PCCA: variants seen among roughly 807,000 people sequenced by gnomAD.
PCCA encodes the protein propionyl-CoA carboxylase subunit alpha, also known as propionyl-CoA carboxylase alpha chain, mitochondrial.
PCCA carries 74 observed loss-of-function variants against 101.3 expected under a neutral mutation model. The observed-to-expected ratio is 0.73, with a 90% CI of 0.61 to 0.89. The LOEUF is 0.89. Among genes scored for constraint, PCCA ranks in the 40% least tolerant of loss-of-function variants. The probability of loss-of-function intolerance (pLI) is 0.00; values close to 1 mark genes in which losing one functional copy is unlikely to be tolerated. For synonymous variants in PCCA, 294 were observed against 313.6 expected, an observed-to-expected ratio of 0.94 and a Z score of 0.66; for missense variants, 891 against 907.0, an observed-to-expected ratio of 0.98 and a Z score of 0.23.
chr13:100,449,256 T>C lies in PCCA; in HGVS notation c.1850T>C (p.Leu617Pro), dbSNP rs563417983. 2.6e-4 allele frequency: 399 copies of C among 1,538,148 alleles called. 3 individuals carry two copies. In the East Asian group the frequency reaches 9.1e-3, roughly 35 times the overall value. Reference protein sequence around the residue: ...VDGTQRTVQCLSREAGGNMSI... With the variant: ...VDGTQRTVQCPSREAGGNMSI... ...TATCTCTTGTTTGTTTTTTAGTGTCTTTCTCGAGAAGCAGGTGGAAACATG... is the reference window on the plus strand; with the variant it reads ...TATCTCTTGTTTGTTTTTTAGTGTCCTTCTCGAGAAGCAGGTGGAAACATG... Residue 617 changes from leucine to proline, a missense_variant, in exon 21 of 24, where the codon CTT (leucine) becomes CCT (proline). Coordinates refer to ENST00000376285, the MANE Select transcript of PCCA (RefSeq NM_000282.4).
At chr13:100,523,600 G>A (rs1372055057) in intron 22 of PCCA, among the ~76,000 whole-genome samples, 1 of 152,140 alleles carries the variant, frequency 6.6e-6, no homozygotes, top group Non-Finnish European at 1.5e-5. Flanking sequence ...TTTCTCTCAA[G>A]CCTTGTTTGG....
At position 100,306,816 on chromosome 13, in the gene PCCA, C is replaced by T. The variant is rs550507397; in HGVS notation, c.1285-376C>T. ...CTATGGAGCTGAGGACCAGGCTTGA[C>T]GAGGGGCCTCACTGGTGGGCTCAGA... On this transcript the variant is annotated intron_variant, in intron 14 of 23. Coordinates refer to ENST00000376285, the MANE Select transcript of PCCA (RefSeq NM_000282.4). Among the ~76,000 whole-genome samples, 77 of 152,318 alleles carry T rather than the reference C, an allele frequency of 5.1e-4. No individual in the cohort carries two copies. In the Middle Eastern group the frequency reaches 0.027, roughly 54 times the overall value.
chr13:100,217,357 T>G (rs1289091850), intron 7 of PCCA, among the ~76,000 whole-genome samples: 2 of 149,834 alleles, frequency 1.3e-5, no homozygotes, highest in Non-Finnish European at 3.0e-5. Flanking sequence ...AGTAGGAGAA[T>G]CGCTGGACCA....
intron 16 of PCCA, among the ~76,000 whole-genome samples, chr13:100,317,184 A>C (rs1306746721): frequency 6.6e-6 from 1 of 152,154 alleles, no homozygotes; most frequent in Non-Finnish European, 1.5e-5. Flanking sequence ...TTTTTGGTAA[A>C]ATAAATTGTT....
chr13:100,351,654 T>TGCTTTA (rs2073282196), intron 18 of PCCA, among the ~76,000 whole-genome samples: 1 of 152,224 alleles, frequency 6.6e-6, no homozygotes, highest in African/African-American at 2.4e-5. Context: ...GAGACCAGTG[T>TGCTTTA]GGGCATTGTG....
At position 100,302,929 on chromosome 13, in the gene PCCA, C is replaced by T; in HGVS notation, c.1215C>T (p.Pro405=). Residue 405 remains proline (P), a synonymous_variant, in exon 14 of 24, where the codon CCC becomes CCT. Coordinates refer to ENST00000376285, the MANE Select transcript of PCCA (RefSeq NM_000282.4). ...AVECRVYAED[P]YKSFGLPSIG... ...CCTTTCCTTTGAACTTTCAGGACCC[C>T]TACAAGTCTTTTGGTTTACCATCTA... 1.3e-6 allele frequency: 2 copies of T among 1,591,238 alleles called. No homozygotes were observed. The highest frequency in any genetic ancestry group is 1.7e-6 in the Non-Finnish European group (2 of 1,159,286).
intron 4 of PCCA, among the ~76,000 whole-genome samples, chr13:100,144,730 G>A (rs888226705): frequency 1.1e-4 from 17 of 152,260 alleles, no homozygotes; most frequent in African/African-American, 3.9e-4. Flanking sequence ...CAAATTCCCA[G>A]GGATGAGAAA....
intron 18 of PCCA, among the ~76,000 whole-genome samples, chr13:100,346,541 G>A (rs2152765542): frequency 6.6e-6 from 1 of 152,330 alleles, no homozygotes; most frequent in East Asian, 1.9e-4. Flanking sequence ...TTCTGGTGAA[G>A]ATGCTGTGAA....
rs376851915 is a variant in PCCA, at chr13:100,394,023, T to A, written c.1746+25449T>A. ...TTAACATTACTTTTGTGGAGCTTTG[T>A]AGTCCATAAAAATAACATTGTTGTA... On this transcript the variant is annotated intron_variant, in intron 19 of 23. Coordinates refer to ENST00000376285, the MANE Select transcript of PCCA (RefSeq NM_000282.4). The surrounding 1 kb of genome is among the most constrained non-coding windows in gnomAD (Gnocchi z 4.3). 6.6e-6 allele frequency among the ~76,000 whole-genome samples: 1 copy of A among 152,226 alleles called. No individual in the cohort carries two copies. The highest frequency in any genetic ancestry group is 6.5e-5 in the Admixed American group (1 of 15,282).
At chr13:100,443,260 G>C (rs1032362697) in intron 20 of PCCA, among the ~76,000 whole-genome samples, 2 of 152,048 alleles carry the variant, frequency 1.3e-5, no homozygotes, top group South Asian at 4.1e-4. Flanking sequence ...CATCCAGCCT[G>C]GGCAACATAG....
At chr13:100,476,583 A>G (rs1458205445) in intron 21 of PCCA, among the ~76,000 whole-genome samples, 1 of 152,188 alleles carries the variant, frequency 6.6e-6, no homozygotes, top group Non-Finnish European at 1.5e-5. Context: ...GAAGTTTGTG[A>G]TCCATTTACT....
At chr13:100,165,211 A>G (rs554981848) in intron 6 of PCCA, among the ~76,000 whole-genome samples, 10 of 152,240 alleles carry the variant, frequency 6.6e-5, no homozygotes, top group Admixed American at 3.3e-4. Flanking sequence ...GCTGGGTCCT[A>G]TGGTAATTCT....
At position 100,268,728 on chromosome 13, in the gene PCCA, G is replaced by T; in HGVS notation, c.859G>T (p.Glu287Ter). The change falls in exon 11 of 24, where the codon GAA becomes TAA. Residue 287 changes from glutamate (E) to a stop codon, truncating the protein, a stop_gained. Transcript: ENST00000376285. LOFTEE classifies it high-confidence loss of function. The part of the protein sequence containing the change: ...DKHGNALWLN[E>*]RECSIQRRNQ... ...ACATGGGAATGCTTTATGGCTTAAT[G>T]AAAGAGAGTGCTCAATTCAGAGAAG... The T allele has an allele frequency of 6.2e-7, 1 of 1,614,140 alleles. No individual in the cohort carries two copies. The highest frequency in any genetic ancestry group is 8.5e-7 in the Non-Finnish European group (1 of 1,179,952).
At chr13:100,154,381 T>G (rs903256754) in intron 4 of PCCA, 5 of 154,430 alleles carry the variant, frequency 3.2e-5, no homozygotes, top group Non-Finnish European at 5.8e-5. Context: ...CACATATCAT[T>G]TCTTTTAGGA....
chr13:100,216,393 TA>T (rs2059518748), intron 7 of PCCA, among the ~76,000 whole-genome samples: 2 of 152,186 alleles, frequency 1.3e-5, no homozygotes, highest in Admixed American at 6.5e-5. Context: ...GTAGGGAGCT[TA>T]GATTTTTAGG....
intron 19 of PCCA, among the ~76,000 whole-genome samples, chr13:100,372,873 G>T (rs1445672417): frequency 1.3e-5 from 2 of 152,126 alleles, no homozygotes; most frequent in Non-Finnish European, 2.9e-5. Context: ...CCAAGTAGCT[G>T]GGATTACAGG....
At chr13:100,479,545 T>C (rs756500396) in intron 21 of PCCA, 1 of 152,218 alleles carries the variant, frequency 6.6e-6, no homozygotes, top group African/African-American at 2.4e-5. Flanking sequence ...CTAGAGAAAG[T>C]GTTAGGAAAA....
At chr13:100,521,366 C>T (rs1005648543) in intron 22 of PCCA, among the ~76,000 whole-genome samples, 4 of 152,188 alleles carry the variant, frequency 2.6e-5, no homozygotes, top group African/African-American at 9.7e-5. Context: ...GTTCCCGCGC[C>T]CTCCAGAGTG....
chr13:100,504,076 A>G (rs901901200), intron 21 of PCCA, among the ~76,000 whole-genome samples: 21 of 152,226 alleles, frequency 1.4e-4, no homozygotes, highest in African/African-American at 5.1e-4. Context: ...ATTGTTTTAC[A>G]CACCTCTTTA....
Sources: gnomAD v4.1 joint callset for allele counts (sites outside exome capture counted in the v4.1 genomes callset) on GRCh38, gnomAD v4.1.1 for gene constraint, Gnocchi (gnomAD v3.1) non-coding constraint, MANE v1.5 for transcripts, NCBI Gene and HGNC (gene_info 2026-07-23, HGNC 2026-07-21) for gene names.